DYSF: variants seen among roughly 807,000 people sequenced by gnomAD.
The protein encoded by DYSF is dysferlin, also known as dystrophy-associated fer-1-like 1.
In DYSF, 212 loss-of-function variants were observed where a neutral mutation model predicts 274.9. That is an observed-to-expected ratio of 0.77 (90% CI 0.69 to 0.86). DYSF has a LOEUF of 0.86. Ranked by LOEUF, DYSF falls within the 40% of genes least tolerant of loss-of-function variation. The pLI, the probability that DYSF is intolerant of heterozygous loss-of-function variation, is 0.00. For missense variants in DYSF, 2,666 were observed against 2,783.2 expected (o/e 0.96, Z 0.95); for synonymous variants, 1,091 against 1,078.7 (o/e 1.01, Z -0.22).
intron 1 of DYSF, among the ~76,000 whole-genome samples, chr2:71,470,398 C>A (rs561931194): frequency 1.3e-5 from 2 of 152,238 alleles, no homozygotes; most frequent in South Asian, 4.1e-4. Context: ...AGCGGCCAGG[C>A]GTGGTGGCTC....
In DYSF at chr2:71,479,164, G is replaced by T. The variant is rs62143765; in HGVS notation, c.92-1719G>T. On this transcript the variant is annotated intron_variant, in intron 1 of 55. Coordinates refer to ENST00000410020, the MANE Select transcript of DYSF (RefSeq NM_001130987.2). ...TGGAATGAGGTGATCTTTAAGAGCCGACCCAAATAAAAGTTCTGTGTCAGG... is the reference window on the plus strand; with the variant it reads ...TGGAATGAGGTGATCTTTAAGAGCCTACCCAAATAAAAGTTCTGTGTCAGG... Among the ~76,000 whole-genome samples, 3 of 126,076 alleles carry T rather than the reference G, an allele frequency of 2.4e-5. No homozygotes were observed. In the East Asian group the frequency reaches 6.2e-4, roughly 26 times the overall value. The allele number at this position is 126,076 out of a possible 152,430, so 82.7% of individuals were successfully genotyped here. A position where few individuals can be genotyped will look rare whatever the true frequency, so the allele number is the denominator to read the frequency against.
rs551813333 is a variant in DYSF at position 71,564,644 on chromosome 2, A to C, written c.2565+431A>C. 2.5e-3 allele frequency among the ~76,000 whole-genome samples: 375 copies of C among 152,314 alleles called. 1 individual carries two copies. Among genetic ancestry groups the C allele is most frequent in the Non-Finnish European group, 4.8e-3 (324 of 68,018 alleles). On this transcript the variant is annotated intron_variant, in intron 24 of 55. Transcript: ENST00000410020. ...TGGAGCTGGAGCCACTCTGAGGCTC[A>C]AGTCCTCCCTGCTGGGAAGGCTGGT...
intron 1 of DYSF, among the ~76,000 whole-genome samples, chr2:71,476,371 G>A (rs1022869010): frequency 4.6e-5 from 7 of 151,964 alleles, no homozygotes; most frequent in African/African-American, 1.7e-4. Flanking sequence ...GGCCAACATG[G>A]TCAGGCTAAA....
intron 41 of DYSF, among the ~76,000 whole-genome samples, chr2:71,627,587 G>T (rs60312014): frequency 6.6e-6 from 1 of 152,040 alleles, no homozygotes; most frequent in African/African-American, 2.4e-5. Context: ...TGTGCATTTA[G>T]AACAGGCTTG....
intron 48 of DYSF, 90 bp downstream of exon 48, chr2:71,667,605 G>A: frequency 2.6e-6 from 4 of 1,565,418 alleles, no homozygotes; most frequent in Non-Finnish European, 3.5e-6. Context: ...GGAGCCAGTG[G>A]GTCCCTTGAG....
chr2:71,570,170 C>A, intron 27 of DYSF, 59 bp from the exon 28 acceptor site: 1 of 1,492,156 alleles, frequency 6.7e-7, no homozygotes, highest in Admixed American at 1.7e-5. Flanking sequence ...TCTTTTCTGC[C>A]TCCCTGCTCA....
At chr2:71,646,459 A>G (rs1002018071) in intron 42 of DYSF, among the ~76,000 whole-genome samples, 5 of 152,226 alleles carry the variant, frequency 3.3e-5, no homozygotes, top group African/African-American at 1.2e-4. Context: ...CTGGGGGGAA[A>G]ACTAGACCTG....
At position 71,668,755 on chromosome 2, in the gene DYSF, G is replaced by C. The variant is rs886042341; in HGVS notation, c.5459G>C (p.Gly1820Ala). 1.2e-6 allele frequency: 2 copies of C among 1,613,644 alleles called. No individual in the cohort carries two copies. Among genetic ancestry groups the C allele is most frequent in the South Asian group, 2.2e-5 (2 of 90,974 alleles). The change falls in exon 49 of 56, where the codon GGG (glycine) becomes GCG (alanine). Residue 1820 changes from glycine (G) to alanine (A), a missense_variant and splice_region_variant. Around this residue, in one of 3 missense-constraint regions of DYSF, gnomAD observed 1,460 missense variants for 1,502.1 expected, o/e 0.97. Transcript: ENST00000410020. Reference protein sequence around the residue: ...YSPLQPDIEQGKLQMWVDLFP... With the variant: ...YSPLQPDIEQAKLQMWVDLFP... ...AGAGAACGGACCCTGTCTCCGCAGGGGAAGCTGCAGATGTGGGTCGACCTA... is the reference window on the plus strand; with the variant it reads ...AGAGAACGGACCCTGTCTCCGCAGGCGAAGCTGCAGATGTGGGTCGACCTA...
chr2:71,595,937 T>C (rs2093394399), intron 32 of DYSF, among the ~76,000 whole-genome samples: 1 of 151,946 alleles, frequency 6.6e-6, no homozygotes, highest in African/African-American at 2.4e-5. Context: ...GATTTGTCTG[T>C]GAGTGTGTCT....
chr2:71,505,542 C>T (rs1432582764), intron 4 of DYSF, among the ~76,000 whole-genome samples: 1 of 152,204 alleles, frequency 6.6e-6, no homozygotes, highest in Non-Finnish European at 1.5e-5. Context: ...TGACTGCAGA[C>T]CCCGTTTGCC....
At chr2:71,662,323 C>G (rs527689650) in intron 45 of DYSF, among the ~76,000 whole-genome samples, 4 of 152,336 alleles carry the variant, frequency 2.6e-5, no homozygotes, top group Admixed American at 2.6e-4. Flanking sequence ...CTCACGAACC[C>G]AGTCTCAGGC....
chr2:71,669,838 CA>C, intron 51 of DYSF, 92 bp downstream of exon 51: 2 of 1,545,638 alleles, frequency 1.3e-6, no homozygotes, highest in Non-Finnish European at 1.8e-6. Flanking sequence ...GCAACTGTCA[CA>C]ATCTCACTGC....
chr2:71,561,922 G>A lies in DYSF; in HGVS notation c.2387G>A (p.Arg796His), dbSNP rs185891286. Residue 796 changes from arginine to histidine, a missense_variant, in exon 23 of 56, where the codon CGT becomes CAT. By Grantham distance (29) the Arg-to-His change is conservative. Around this residue, in one of 3 missense-constraint regions of DYSF, gnomAD observed 412 missense variants for 504.0 expected, o/e 0.82. Transcript: ENST00000410020. ...ALEQAEDWLL[R>H]LRALAEEPQN... ...GAGCAGGCGGAGGACTGGCTCCTGCGTCTGCGTGCCCTGGCAGAGGAGGTA... is the reference window on the plus strand; with the variant it reads ...GAGCAGGCGGAGGACTGGCTCCTGCATCTGCGTGCCCTGGCAGAGGAGGTA... 200 of 1,614,018 alleles carry A rather than the reference G, an allele frequency of 1.2e-4. No homozygotes were observed. The highest frequency in any genetic ancestry group is 1.0e-3 in the East Asian group (47 of 44,868).
chr2:71,611,661 T>C (rs1231832150), intron 38 of DYSF, 35 bp downstream of exon 38: 2 of 1,607,322 alleles, frequency 1.2e-6, no homozygotes, highest in Non-Finnish European at 8.5e-7. Context: ...CCTTCCAGAG[T>C]CCTGGGGCTA....
At chr2:71,663,756 A>T (rs980013842) in intron 45 of DYSF, among the ~76,000 whole-genome samples, 2 of 152,200 alleles carry the variant, frequency 1.3e-5, no homozygotes, top group African/African-American at 4.8e-5. Flanking sequence ...GGATGTGAAG[A>T]GTCCAGAAAG....
At chr2:71,516,716 CG>C (rs1405056210) in intron 9 of DYSF, among the ~76,000 whole-genome samples, 2 of 152,170 alleles carry the variant, frequency 1.3e-5, no homozygotes, top group Non-Finnish European at 2.9e-5. Flanking sequence ...GTGTAGGCTC[CG>C]GCACTAGAGT....
intron 3 of DYSF, among the ~76,000 whole-genome samples, chr2:71,499,497 A>G (rs531724775): frequency 6.6e-6 from 1 of 152,240 alleles, no homozygotes; most frequent in Non-Finnish European, 1.5e-5. Flanking sequence ...AAATAAATTG[A>G]CTTGGCCACC....
intron 40 of DYSF, among the ~76,000 whole-genome samples, chr2:71,618,643 G>GGT (rs1221065676): frequency 1.1e-5 from 1 of 87,458 alleles, no homozygotes; most frequent in Non-Finnish European, 2.7e-5. Flanking sequence ...TACAGGAGGT[G>GGT]GTGTGTGTGG....
chr2:71,503,449 C>T, intron 4 of DYSF, 130 bp downstream of exon 4: 1 of 942,420 alleles, frequency 1.1e-6, no homozygotes, highest in Non-Finnish European at 1.7e-6. Flanking sequence ...CTGGCCCTCC[C>T]TGACCAGAGT....
Sources: allele counts gnomAD v4.1 joint callset (sites outside exome capture counted in the v4.1 genomes callset), GRCh38; gene constraint gnomAD v4.1.1; regional missense constraint gnomAD v4.1.1; transcripts MANE v1.5; gene names NCBI Gene and HGNC (gene_info 2026-07-23, HGNC 2026-07-21).